DDAH1: variants seen among roughly 807,000 people sequenced by gnomAD.
DDAH1 encodes the protein N(G),N(G)-dimethylarginine dimethylaminohydrolase 1.
In DDAH1, 19 loss-of-function variants were observed where a neutral mutation model predicts 28.8. The ratio of observed to expected loss-of-function variants is 0.66; its 90% CI spans 0.46 to 0.97. The LOEUF (loss-of-function observed/expected upper bound fraction) is 0.97. DDAH1 is among the 50% of genes least tolerant of loss of function. The probability of loss-of-function intolerance (pLI) is 0.00; values close to 1 mark genes in which losing one functional copy is unlikely to be tolerated. For missense variants in DDAH1, 326 were observed against 375.9 expected, an observed-to-expected ratio of 0.87 and a Z score of 1.10; for synonymous variants, 153 against 154.4, an observed-to-expected ratio of 0.99 and a Z score of 0.07.
At chr1:85,394,035 T>C (rs1057328408) in intron 1 of DDAH1, among the ~76,000 whole-genome samples, 1 of 152,210 alleles carries the variant, frequency 6.6e-6, no homozygotes, top group Non-Finnish European at 1.5e-5. Context: ...CTTTAATTAA[T>C]TGGCTTAAAG....
chr1:85,464,723 C>A lies in DDAH1; in HGVS notation c.303+20G>T, dbSNP rs1655275883. 6.8e-7 allele frequency: 1 copy of A among 1,475,752 alleles called. No individual in the cohort carries two copies. The highest frequency in any genetic ancestry group is 8.9e-7 in the Non-Finnish European group (1 of 1,122,504). The allele number at this position is 1,475,752 out of a possible 1,614,324, so 91.4% of individuals were successfully genotyped here. On this transcript the variant is annotated intron_variant, in intron 1 of 5. Coordinates refer to ENST00000284031, the MANE Select transcript of DDAH1 (RefSeq NM_012137.4). The surrounding 1 kb of genome is among the most constrained non-coding windows in gnomAD (Gnocchi z 4.4). ...GGGCCTGGCGCGCGCCCCGGCCGCG[C>A]CCCTCGAGTCGGCAGTTACCTCCTT...
chr1:85,347,015 A>T (rs1648891465), intron 4 of DDAH1, among the ~76,000 whole-genome samples: 1 of 152,164 alleles, frequency 6.6e-6, no homozygotes, highest in Admixed American at 6.5e-5. Flanking sequence ...ACATGAAAAA[A>T]TGCTCATCAT....
chr1:85,551,642 G>T (rs1175272799), intron 1 of DDAH1, among the ~76,000 whole-genome samples: 1 of 152,204 alleles, frequency 6.6e-6, no homozygotes, highest in African/African-American at 2.4e-5. Flanking sequence ...CCTTCAAGGG[G>T]CTCAGTCTAA....
At chr1:85,552,681 A>G (rs1384293578) in intron 1 of DDAH1, among the ~76,000 whole-genome samples, 1 of 152,206 alleles carries the variant, frequency 6.6e-6, no homozygotes, top group Non-Finnish European at 1.5e-5. Context: ...TTAGGTGGAA[A>G]GGAAAGAAGG....
intron 1 of DDAH1, among the ~76,000 whole-genome samples, chr1:85,542,627 C>T (rs944640382): frequency 1.3e-5 from 2 of 152,186 alleles, no homozygotes; most frequent in Non-Finnish European, 2.9e-5. Context: ...AGACCCTTAA[C>T]CTATGTATTG....
In DDAH1 at chr1:85,464,652, C is replaced by A; in HGVS notation, c.303+91G>T. 6.8e-7 allele frequency: 1 copy of A among 1,470,308 alleles called. No individual in the cohort carries two copies. The allele number at this position is 1,470,308 out of a possible 1,614,324, so 91.1% of individuals were successfully genotyped here. A position where few individuals can be genotyped will look rare whatever the true frequency, so the allele number is the denominator to read the frequency against. On this transcript the variant is annotated intron_variant, in intron 1 of 5. Transcript: ENST00000284031. The surrounding 1 kb of genome is among the most constrained non-coding windows in gnomAD (Gnocchi z 4.4). ...AAGTTGTGAACTACTAGCCCGAGGG[C>A]CAATGGCGCGACTCCCCAGGCAACA...
At chr1:85,372,859 T>TTGTC (rs1257575483) in intron 1 of DDAH1, among the ~76,000 whole-genome samples, 5 of 152,104 alleles carry the variant, frequency 3.3e-5, no homozygotes, top group African/African-American at 1.2e-4. Flanking sequence ...CTAGGATCCA[T>TTGTC]TGTCTCTCAA....
intron 1 of DDAH1, among the ~76,000 whole-genome samples, chr1:85,497,027 A>G (rs1656618286): frequency 6.6e-6 from 1 of 152,200 alleles, no homozygotes; most frequent in African/African-American, 2.4e-5. Context: ...ATTAATTCAA[A>G]ACAGAAAAAA....
rs535764827 is a variant in DDAH1, at chr1:85,430,899, A to T, written c.303+33844T>A. On this transcript the variant is annotated intron_variant, in intron 1 of 5. Transcript: ENST00000284031. ...ACCCTTTATTTCTTTCTCTTGCCTG[A>T]TTTCCCTGGCCAGAACTACCAATAC... Among the ~76,000 whole-genome samples the T allele has an allele frequency of 2.8e-4, 43 of 152,124 alleles. 2 individuals carry two copies. The highest frequency in any genetic ancestry group is 6.8e-3 in the Middle Eastern group (2 of 294).
At chr1:85,480,227 G>A (rs1302699657) in intron 2 of DDAH1, among the ~76,000 whole-genome samples, 1 of 152,134 alleles carries the variant, frequency 6.6e-6, no homozygotes, top group Non-Finnish European at 1.5e-5. Flanking sequence ...GCCTCTCTGA[G>A]CACAGGCTTA....
intron 1 of DDAH1, among the ~76,000 whole-genome samples, chr1:85,428,278 G>A (rs1342722886): frequency 6.6e-6 from 1 of 152,162 alleles, no homozygotes; most frequent in Non-Finnish European, 1.5e-5. Context: ...AAGGAAAGAG[G>A]TTTAATGGAC....
chr1:85,495,567 A>G (rs1421952469), intron 2 of DDAH1: 3 of 152,346 alleles, frequency 2.0e-5, no homozygotes, highest in East Asian at 3.9e-4. Context: ...TCTCAGTACC[A>G]AGCCTTTGCC....
At chr1:85,461,724 C>T (rs12032315) in intron 1 of DDAH1, among the ~76,000 whole-genome samples, 15,612 of 152,118 alleles carry the variant, frequency 0.1, 1,023 homozygotes, top group South Asian at 0.29. Context: ...AAATGTTGAC[C>T]AATACAGACA....
At chr1:85,331,303 A>C (rs906888173) in intron 4 of DDAH1, among the ~76,000 whole-genome samples, 1 of 152,188 alleles carries the variant, frequency 6.6e-6, no homozygotes, top group Non-Finnish European at 1.5e-5. Flanking sequence ...TTCATGGAAC[A>C]ATTTAGAACT....
chr1:85,507,652 A>G (rs922425661), intron 1 of DDAH1, among the ~76,000 whole-genome samples: 1 of 152,174 alleles, frequency 6.6e-6, no homozygotes, highest in Non-Finnish European at 1.5e-5. Context: ...TATTTAATAT[A>G]TGCTCATATT....
chr1:85,365,279 CT>C (rs1650015776), intron 1 of DDAH1, among the ~76,000 whole-genome samples: 1 of 152,138 alleles, frequency 6.6e-6, no homozygotes, highest in African/African-American at 2.4e-5. Flanking sequence ...ATTTAGGTAT[CT>C]ACAATGAAAT....
chr1:85,465,422 C>T (rs1055370744), upstream of DDAH1, among the ~76,000 whole-genome samples: 11 of 151,116 alleles, frequency 7.3e-5, no homozygotes, highest in African/African-American at 2.4e-4. Flanking sequence ...CTGGCGGTAC[C>T]TGTGTTCTGT....
rs867935136 is a variant in DDAH1 at position 85,324,645 on chromosome 1, T to C, written c.741+95A>G. On this transcript the variant is annotated intron_variant, in intron 5 of 5. Coordinates refer to ENST00000284031, the MANE Select transcript of DDAH1 (RefSeq NM_012137.4). ...TCTTTTCTTAATTGTTTGATATGTA[T>C]ACAGGAAAAGGAGGCTCCTATTGGT... 40 of 1,372,470 alleles carry C rather than the reference T, an allele frequency of 2.9e-5. No homozygotes were observed. In the Middle Eastern group the frequency reaches 3.3e-3, roughly 113 times the overall value. 85.0% of individuals were successfully genotyped at this position (1,372,470 alleles called of 1,614,324 possible). A position where few individuals can be genotyped will look rare whatever the true frequency, so the allele number is the denominator to read the frequency against.
intron 1 of DDAH1, among the ~76,000 whole-genome samples, chr1:85,507,525 A>AATAAATAAATAAATAT (rs1657058430): frequency 6.6e-6 from 1 of 151,184 alleles, no homozygotes; most frequent in Admixed American, 6.6e-5. Flanking sequence ...TAAATAAATA[A>AATAAATAAATAAATAT]ATAAACAAAC....
Sources: gnomAD v4.1 joint callset for allele counts (sites outside exome capture counted in the v4.1 genomes callset) on GRCh38, gnomAD v4.1.1 for gene constraint, Gnocchi (gnomAD v3.1) non-coding constraint, MANE v1.5 for transcripts, NCBI Gene and HGNC (gene_info 2026-07-23, HGNC 2026-07-21) for gene names.